The following BCAS3 variants were observed in gnomAD, a reference collection of about 807,000 sequenced individuals.
BCAS3 encodes the protein BCAS3 microtubule associated cell migration factor, also known as BCAS4/BCAS3 fusion.
A neutral mutation model predicts 116.1 loss-of-function variants in BCAS3; 53 were observed. That is an observed-to-expected ratio of 0.46 (90% CI 0.37 to 0.57). The LOEUF (loss-of-function observed/expected upper bound fraction) is 0.57, where lower values mean the gene tolerates loss of function less well. Ranked by LOEUF, BCAS3 falls within the 20% of genes least tolerant of loss-of-function variation. The pLI is 0.00. For synonymous variants in BCAS3, 391 were observed against 408.2 expected (o/e 0.96, Z 0.51); for missense variants, 917 against 1,165.4 (o/e 0.79, Z 3.10).
chr17:60,845,860 G>A (rs975494211), intron 7 of BCAS3, among the ~76,000 whole-genome samples: 25 of 148,292 alleles, frequency 1.7e-4, no homozygotes, highest in African/African-American at 5.5e-4. Context: ...TTGAACTCCT[G>A]GGCTCAAGTG....
chr17:61,078,229 G>T, intron 20 of BCAS3, 104 bp from the exon 21 acceptor site: 1 of 861,152 alleles, frequency 1.2e-6, no homozygotes, highest in Non-Finnish European at 1.8e-6. Context: ...CTTTAACATG[G>T]GCTTCTTGAA....
chr17:61,117,084 C>T (rs919606033), intron 22 of BCAS3, among the ~76,000 whole-genome samples: 1 of 152,128 alleles, frequency 6.6e-6, no homozygotes, highest in Non-Finnish European at 1.5e-5. Context: ...ACTTTGCCAA[C>T]CCACACCCTT....
chr17:60,902,782 A>G (rs907974020), intron 11 of BCAS3, 79 bp downstream of exon 11: 31 of 1,145,740 alleles, frequency 2.7e-5, no homozygotes, highest in East Asian at 4.7e-5. Context: ...TATATTTTCT[A>G]TTGTAATGAT....
At chr17:60,737,537 C>T (rs1365212126) in intron 5 of BCAS3, among the ~76,000 whole-genome samples, 1 of 152,010 alleles carries the variant, frequency 6.6e-6, no homozygotes, top group Non-Finnish European at 1.5e-5. Flanking sequence ...GTCAGTGCTA[C>T]AGATTTCCCT....
intron 13 of BCAS3, among the ~76,000 whole-genome samples, chr17:60,939,863 C>T (rs930955990): frequency 6.6e-6 from 1 of 152,112 alleles, no homozygotes; most frequent in Admixed American, 6.6e-5. Context: ...GACAAATATT[C>T]TCAACAACCT....
chr17:60,998,774 TAG>T (rs1237557705), intron 15 of BCAS3, among the ~76,000 whole-genome samples: 1 of 152,194 alleles, frequency 6.6e-6, no homozygotes, highest in Non-Finnish European at 1.5e-5. Context: ...TCCCATTCTG[TAG>T]ATTGTCTGTT....
At chr17:61,030,962 A>C (rs1474171507) in intron 16 of BCAS3, among the ~76,000 whole-genome samples, 1 of 152,062 alleles carries the variant, frequency 6.6e-6, no homozygotes, top group Non-Finnish European at 1.5e-5. Flanking sequence ...TTTTAAAAAA[A>C]AATGGATGAG....
rs2066891452 is a variant in BCAS3, at chr17:61,034,796, T to C, written c.1762+6T>C. 1.9e-6 allele frequency: 3 copies of C among 1,585,764 alleles called. No individual in the cohort carries two copies. The highest frequency in any genetic ancestry group is 1.2e-5 in the South Asian group (1 of 85,538). On this transcript the variant is annotated splice_donor_region_variant and intron_variant, in intron 17 of 23. Transcript: ENST00000407086. This position sits in a 1 kb window ranked among gnomAD's most constrained non-coding sequence, Gnocchi z 5.0. ...AGGTCTGAAAAGAGAAAAAGGTATG[T>C]ATTTTTACTGAAAAATGAATGCTCT... is the stretch of plus-strand genomic sequence containing the variant.
intron 13 of BCAS3, among the ~76,000 whole-genome samples, chr17:60,944,972 C>A (rs892882365): frequency 6.6e-6 from 1 of 151,888 alleles, no homozygotes; most frequent in South Asian, 2.1e-4. Context: ...TGCAGTAAGT[C>A]GAGAAAATTG....
intron 14 of BCAS3, among the ~76,000 whole-genome samples, chr17:60,966,820 T>G (rs1445338729): frequency 6.6e-6 from 1 of 151,976 alleles, no homozygotes; most frequent in Non-Finnish European, 1.5e-5. Context: ...GTCCAGCTAA[T>G]TTTTTTGTGT....
rs185133266 is a variant in BCAS3 at position 61,069,785 on chromosome 17, G to A, written c.2030-5135G>A. On this transcript the variant is annotated intron_variant, in intron 19 of 23. Transcript: ENST00000407086. ...CACAAGGTGGAGGCTGCAGTGAGCC[G>A]AGATCATGCCACTGCACTCCAGCCT... is the stretch of plus-strand genomic sequence containing the variant. 5.3e-4 allele frequency: 357 copies of A among 674,212 alleles called. 1 individual carries two copies. The highest frequency in any genetic ancestry group is 3.9e-3 in the African/African-American group (203 of 52,198). The allele number at this position is 674,212 out of a possible 1,614,324, so 41.8% of individuals were successfully genotyped here.
rs1022877349 is a variant in BCAS3, at chr17:61,098,040, T to A, written c.2425+13476T>A. Among the ~76,000 whole-genome samples, 2 of 152,218 alleles carry A rather than the reference T, an allele frequency of 1.3e-5. No homozygotes were observed. Among genetic ancestry groups the A allele is most frequent in the African/African-American group, 4.8e-5 (2 of 41,458 alleles). ...TTAGGCAACAACTGACAGGCCTGAC[T>A]GGTCATTGGCTTTCCATTCCTGGCA... On this transcript the variant is annotated intron_variant, in intron 22 of 23. Coordinates refer to ENST00000407086, the MANE Select transcript of BCAS3 (RefSeq NM_017679.5). The surrounding 1 kb of genome is among the most constrained non-coding windows in gnomAD (Gnocchi z 4.2).
At chr17:61,297,353 C>T (rs1342522898) in intron 22 of BCAS3, among the ~76,000 whole-genome samples, 4 of 151,742 alleles carry the variant, frequency 2.6e-5, no homozygotes, top group African/African-American at 7.3e-5. Flanking sequence ...AAAGAACAGC[C>T]GAGAGAAAGG....
rs2082568004 is a variant in BCAS3 at position 61,229,862 on chromosome 17, C to T, written c.2426-138465C>T. Among the ~76,000 whole-genome samples, 2 of 152,214 alleles carry T rather than the reference C, an allele frequency of 1.3e-5. No homozygotes were observed. The highest frequency in any genetic ancestry group is 2.1e-4 in the South Asian group (1 of 4,830). Reference sequence around the variant, plus strand: ...AGTGTTGGCTGGGCGCGATGGCTTACGCCTGTAATCCCAGCACTTTGGGAG... The same window carrying T: ...AGTGTTGGCTGGGCGCGATGGCTTATGCCTGTAATCCCAGCACTTTGGGAG... On this transcript the variant is annotated intron_variant, in intron 22 of 23. Transcript: ENST00000407086. This position sits in a 1 kb window ranked among gnomAD's most constrained non-coding sequence, Gnocchi z 4.4.
Position 61,356,081 on chromosome 17 carries a change from G to A in BCAS3, c.2426-12246G>A, listed in dbSNP as rs1263405220. ...GCAATCTCGGCCCACTGCAACCTCC[G>A]CCTCCCGGGTTCAAGTGATTCTCCT... On this transcript the variant is annotated intron_variant, in intron 22 of 23. Transcript: ENST00000407086. The surrounding 1 kb of genome is among the most constrained non-coding windows in gnomAD (Gnocchi z 5.4). 2.0e-5 allele frequency among the ~76,000 whole-genome samples: 3 copies of A among 152,100 alleles called. No individual in the cohort carries two copies. Among genetic ancestry groups the A allele is most frequent in the African/African-American group, 4.8e-5 (2 of 41,412 alleles).
chr17:61,322,781 T>TGAGAGAGAGA (rs1568849812), intron 22 of BCAS3, among the ~76,000 whole-genome samples: 3 of 121,208 alleles, frequency 2.5e-5, no homozygotes, highest in African/African-American at 1.0e-4. Context: ...AAGCCTCTCT[T>TGAGAGAGAGA]GAGAGAGAGA....
intron 7 of BCAS3, among the ~76,000 whole-genome samples, chr17:60,823,918 GC>G (rs1304960342): frequency 1.3e-5 from 2 of 152,024 alleles, no homozygotes; most frequent in Non-Finnish European, 2.9e-5. Flanking sequence ...TTCTCATTAA[GC>G]ATGTCTGATT....
chr17:60,980,536 T>TTTC (rs1367826258), intron 14 of BCAS3: 2 of 149,752 alleles, frequency 1.3e-5, no homozygotes, highest in African/African-American at 4.9e-5. Flanking sequence ...GGTATTCTTT[T>TTTC]TTTTTTTTTT....
At chr17:60,887,670 A>G (rs997931462) in intron 9 of BCAS3, among the ~76,000 whole-genome samples, 1 of 152,094 alleles carries the variant, frequency 6.6e-6, no homozygotes, top group Non-Finnish European at 1.5e-5. Context: ...ATAAATGTAA[A>G]TAACTGTTTT....
Sources: gnomAD v4.1 joint callset for allele counts (sites outside exome capture counted in the v4.1 genomes callset) on GRCh38, gnomAD v4.1.1 for gene constraint, Gnocchi (gnomAD v3.1) non-coding constraint, MANE v1.5 for transcripts, NCBI Gene and HGNC (gene_info 2026-07-23, HGNC 2026-07-21) for gene names.